UBE3C: variants seen among roughly 807,000 people sequenced by gnomAD.
UBE3C encodes ubiquitin protein ligase E3C, also known as ubiquitin-protein ligase E3C.
Under a neutral mutation model 129.4 loss-of-function variants are expected in UBE3C, and 42 were observed. The ratio of observed to expected loss-of-function variants is 0.32; its 90% CI spans 0.25 to 0.42. UBE3C has a LOEUF of 0.42. Among genes scored for constraint, UBE3C ranks in the 10% least tolerant of loss-of-function variants. UBE3C has a pLI of 1.00. For missense variants in UBE3C, 1,049 were observed against 1,319.1 expected (o/e 0.80, Z 3.17); for synonymous variants, 510 against 492.4 (o/e 1.04, Z -0.47).
intron 10 of UBE3C, among the ~76,000 whole-genome samples, chr7:157,199,454 TTTTTTA>T (rs1809218580): frequency 6.6e-6 from 1 of 151,876 alleles, no homozygotes; most frequent in South Asian, 2.1e-4. Context: ...AGAGTGAATT[TTTTTTA>T]TTTTTATTTT....
In UBE3C at chr7:157,139,076, T is replaced by G; in HGVS notation, c.-197T>G. 6.1e-6 allele frequency: 1 copy of G among 164,038 alleles called. No homozygotes were observed. The allele number at this position is 164,038 out of a possible 1,614,324, so 10.2% of individuals were successfully genotyped here. On this transcript the variant is annotated 5_prime_UTR_variant, in exon 1 of 23. Coordinates refer to ENST00000348165, the MANE Select transcript of UBE3C (RefSeq NM_014671.3). ...AGGCGAGGCAGGGCCGCCCCTCCAGTATTGCCGCCCCTCCCGCCCCAGGGC... is the reference window on the plus strand; with the variant it reads ...AGGCGAGGCAGGGCCGCCCCTCCAGGATTGCCGCCCCTCCCGCCCCAGGGC...
rs558262909 is a variant in UBE3C at position 157,220,610 on chromosome 7, C to A, written c.1915-79C>A. On this transcript the variant is annotated intron_variant, in intron 14 of 22. Coordinates refer to ENST00000348165, the MANE Select transcript of UBE3C (RefSeq NM_014671.3). ...GCCCACGGTAGAGAAATGTCCAGCA[C>A]CAATTCTGTTCAAGTGTGATCAGGT... 1.2e-5 allele frequency: 19 copies of A among 1,540,274 alleles called. No homozygotes were observed. The East Asian group carries it at 4.3e-4, about 35-fold the overall frequency.
At chr7:157,223,207 AG>A (rs1795785540) in intron 15 of UBE3C, 46 bp from the exon 16 acceptor site, 3 of 1,568,664 alleles carry the variant, frequency 1.9e-6, no homozygotes, top group Non-Finnish European at 2.6e-6. Flanking sequence ...GTGGGAATGC[AG>A]GGGAAAGTAC....
At chr7:157,198,498 C>T in intron 10 of UBE3C, 1 of 396,146 alleles carries the variant, frequency 2.5e-6, no homozygotes. Context: ...CTCAGGGCCG[C>T]CGCCCTCCGC....
chr7:157,264,033 AGCACTG>A (rs767671305), intron 22 of UBE3C, among the ~76,000 whole-genome samples: 1 of 152,102 alleles, frequency 6.6e-6, no homozygotes, highest in Non-Finnish European at 1.5e-5. Context: ...AGCCTCCCAA[AGCACTG>A]GTACTACAGG....
In UBE3C at chr7:157,141,650, C is replaced by T. The variant is rs529706674; in HGVS notation, c.66+2312C>T. ...CCACGGTGTATATGTGGTCTGTTGT[C>T]GACAGACTGAGAGGTCATTATGCCA... On this transcript the variant is annotated intron_variant, in intron 1 of 22. Transcript: ENST00000348165. 8.0e-4 allele frequency among the ~76,000 whole-genome samples: 122 copies of T among 152,296 alleles called. No individual in the cohort carries two copies. In the Middle Eastern group the frequency reaches 0.017, roughly 21 times the overall value.
intron 11 of UBE3C, among the ~76,000 whole-genome samples, chr7:157,203,933 C>T (rs772165457): frequency 3.3e-5 from 5 of 152,182 alleles, no homozygotes; most frequent in Admixed American, 2.0e-4. Context: ...CTACCTAAAA[C>T]GTGCTCAAAA....
At chr7:157,195,729 CT>C (rs1021074891) in intron 10 of UBE3C, among the ~76,000 whole-genome samples, 1 of 152,114 alleles carries the variant, frequency 6.6e-6, no homozygotes, top group Admixed American at 6.6e-5. Context: ...AGATTTGAGA[CT>C]TTTGAGTTGG....
chr7:157,245,992 CA>C (rs56270719), intron 18 of UBE3C, among the ~76,000 whole-genome samples: 6,947 of 85,424 alleles, frequency 0.081, 337 homozygotes, highest in African/African-American at 0.27. Flanking sequence ...GACTCCGTCT[CA>C]AAAAAAAAAA....
intron 18 of UBE3C, among the ~76,000 whole-genome samples, chr7:157,243,320 G>C (rs1280451692): frequency 6.6e-6 from 1 of 152,182 alleles, no homozygotes; most frequent in South Asian, 2.1e-4. Context: ...GGCCTCGGCA[G>C]CTCTGCATGC....
intron 3 of UBE3C, among the ~76,000 whole-genome samples, chr7:157,169,613 T>A (rs1163449440): frequency 6.6e-6 from 1 of 152,146 alleles, no homozygotes; most frequent in Non-Finnish European, 1.5e-5. Context: ...TGACCTCAAA[T>A]GATTCGCCTG....
At position 157,243,156 on chromosome 7, in the gene UBE3C, C is replaced by T. The variant is rs546601111; in HGVS notation, c.2482-5212C>T. ...AGGAAAATAGGACAGGAGATGTGCA[C>T]GTGTCCTCCACGGTCCCCATCCCCC... On this transcript the variant is annotated intron_variant, in intron 18 of 22. Coordinates refer to ENST00000348165, the MANE Select transcript of UBE3C (RefSeq NM_014671.3). 2.2e-4 allele frequency among the ~76,000 whole-genome samples: 34 copies of T among 152,298 alleles called. 1 individual carries two copies. In the South Asian group the frequency reaches 5.8e-3, roughly 26 times the overall value.
intron 10 of UBE3C, chr7:157,197,938 G>T: frequency 6.2e-7 from 1 of 1,607,850 alleles, no homozygotes; most frequent in Admixed American, 1.7e-5. Flanking sequence ...CCAAGTTTTT[G>T]CCCTTCTCCA....
At chr7:157,266,197 C>G in intron 22 of UBE3C, among the ~76,000 whole-genome samples, 1 of 152,132 alleles carries the variant, frequency 6.6e-6, no homozygotes, top group East Asian at 1.9e-4. Context: ...GCCTGTAGTC[C>G]AAGCTATGCG....
At chr7:157,211,088 T>A (rs886677) in intron 13 of UBE3C, among the ~76,000 whole-genome samples, 71,956 of 151,566 alleles carry the variant, frequency 0.47, 19,691 homozygotes, top group African/African-American at 0.77. Context: ...AACAGGAGTT[T>A]CCTCCTGTGA....
At chr7:157,144,689 T>TA (rs879851496) in intron 1 of UBE3C, among the ~76,000 whole-genome samples, 24 of 139,958 alleles carry the variant, frequency 1.7e-4, no homozygotes, top group South Asian at 6.9e-4. Context: ...AGTGCTTTTT[T>TA]TAAAAAAAAA....
chr7:157,209,074 A>G (rs1308314660), intron 13 of UBE3C, among the ~76,000 whole-genome samples: 1 of 152,216 alleles, frequency 6.6e-6, no homozygotes, highest in Non-Finnish European at 1.5e-5. Flanking sequence ...CTAAGCTTGT[A>G]TTAATATTGC....
intron 1 of UBE3C, among the ~76,000 whole-genome samples, chr7:157,142,626 G>T (rs753099001): frequency 2.6e-5 from 4 of 152,024 alleles, no homozygotes; most frequent in Non-Finnish European, 5.9e-5. Context: ...AAGTCACTTT[G>T]GGGAGCTAAA....
intron 11 of UBE3C, among the ~76,000 whole-genome samples, chr7:157,202,834 G>C (rs1388887407): frequency 6.6e-6 from 1 of 152,154 alleles, no homozygotes; most frequent in African/African-American, 2.4e-5. Flanking sequence ...CAGCTCATTC[G>C]GTGGTGGGAA....
Sources: gnomAD v4.1 joint callset for allele counts (sites outside exome capture counted in the v4.1 genomes callset) on GRCh38, gnomAD v4.1.1 for gene constraint, MANE v1.5 for transcripts, NCBI Gene and HGNC (gene_info 2026-07-23, HGNC 2026-07-21) for gene names.